Variants in IMMP2L observed in about 807,000 individuals in gnomAD.
IMMP2L encodes the protein mitochondrial inner membrane protease subunit 2.
In IMMP2L, 18 loss-of-function variants were observed where a neutral mutation model predicts 19.3. The observed-to-expected ratio is 0.93, with a 90% confidence interval of 0.64 to 1.38. IMMP2L has a LOEUF of 1.38. Ranked by LOEUF, IMMP2L falls within the 40% of genes most tolerant of loss-of-function variation. The probability of loss-of-function intolerance (pLI) is 0.00; values close to 1 mark genes in which losing one functional copy is unlikely to be tolerated. For missense variants in IMMP2L, 233 were observed against 218.2 expected (o/e 1.07, Z -0.43); for synonymous variants, 76 against 73.0 (o/e 1.04, Z -0.21).
intron 5 of IMMP2L, among the ~76,000 whole-genome samples, chr7:110,733,844 T>C (rs566967295): frequency 1.3e-5 from 2 of 152,178 alleles, no homozygotes; most frequent in Admixed American, 6.5e-5. Context: ...CATTCCATCA[T>C]GTGAGGATAC....
At chr7:110,908,588 T>C (rs1210228171) in intron 4 of IMMP2L, among the ~76,000 whole-genome samples, 1 of 152,202 alleles carries the variant, frequency 6.6e-6, no homozygotes, top group East Asian at 1.9e-4. Context: ...ACCATATCTT[T>C]AAAGAACTGT....
At chr7:110,766,428 T>TA (rs1798666159) in intron 5 of IMMP2L, among the ~76,000 whole-genome samples, 1 of 151,806 alleles carries the variant, frequency 6.6e-6, no homozygotes, top group Non-Finnish European at 1.5e-5. Flanking sequence ...CCGTCTCTAC[T>TA]AAAAAATGCA....
At chr7:111,217,918 G>A (rs1336357553) in intron 3 of IMMP2L, among the ~76,000 whole-genome samples, 1 of 151,796 alleles carries the variant, frequency 6.6e-6, no homozygotes, top group Non-Finnish European at 1.5e-5. Context: ...GAAAGTCTTC[G>A]GTATCTCTCT....
At chr7:110,747,639 G>A (rs560164081) in intron 5 of IMMP2L, among the ~76,000 whole-genome samples, 1 of 152,148 alleles carries the variant, frequency 6.6e-6, no homozygotes, top group East Asian at 1.9e-4. Context: ...CAGAACCAAT[G>A]ACAAAAACCA....
chr7:111,041,936 A>G (rs1791935720), intron 3 of IMMP2L, among the ~76,000 whole-genome samples: 1 of 152,212 alleles, frequency 6.6e-6, no homozygotes, highest in Admixed American at 6.5e-5. Context: ...ACCCTTCTGT[A>G]GCTCAGTTTC....
chr7:111,082,855 C>CAAAAAAAAAAAAAA (rs59384730), intron 3 of IMMP2L, among the ~76,000 whole-genome samples: 2 of 71,176 alleles, frequency 2.8e-5, no homozygotes, highest in African/African-American at 8.4e-5. Flanking sequence ...GCGATTTTGC[C>CAAAAAAAAAAAAAA]AAAAAAAAAA....
chr7:110,959,738 T>C (rs952456182), intron 4 of IMMP2L, among the ~76,000 whole-genome samples: 7 of 152,070 alleles, frequency 4.6e-5, no homozygotes, highest in African/African-American at 9.6e-5. Context: ...GGGGGACAGA[T>C]AGACCCATAT....
chr7:110,871,379 G>A (rs1475150118), intron 5 of IMMP2L, among the ~76,000 whole-genome samples: 5 of 152,054 alleles, frequency 3.3e-5, no homozygotes, highest in African/African-American at 1.2e-4. Context: ...TCAAGCTCAG[G>A]GGCATGCCAA....
At chr7:111,488,565 T>A (rs1427135777) in intron 2 of IMMP2L, among the ~76,000 whole-genome samples, 2 of 152,204 alleles carry the variant, frequency 1.3e-5, no homozygotes, top group Non-Finnish European at 2.9e-5. Flanking sequence ...ATTTTCTTTA[T>A]CCACTCGTTG....
rs551315547 is a variant in IMMP2L, at chr7:111,128,228, A to G, written c.240-164663T>C. ...GCTATTAGTCACAGGAAAAAGAGAAATAAATAGGACAAATTTTCGACCATC... is the reference window on the plus strand; with the variant it reads ...GCTATTAGTCACAGGAAAAAGAGAAGTAAATAGGACAAATTTTCGACCATC... On this transcript the variant is annotated intron_variant, in intron 3 of 5. Coordinates refer to ENST00000405709, the MANE Select transcript of IMMP2L (RefSeq NM_032549.4). Among the ~76,000 whole-genome samples the G allele has an allele frequency of 2.6e-5, 4 of 152,062 alleles. No homozygotes were observed. In the South Asian group the frequency reaches 8.3e-4, roughly 32 times the overall value.
chr7:110,800,161 T>C (rs571803568), intron 5 of IMMP2L, among the ~76,000 whole-genome samples: 1 of 152,194 alleles, frequency 6.6e-6, no homozygotes, highest in African/African-American at 2.4e-5. Flanking sequence ...AGTTTGTTGT[T>C]GCTGTACATT....
intron 5 of IMMP2L, among the ~76,000 whole-genome samples, chr7:110,824,034 C>T (rs1213405579): frequency 6.6e-6 from 1 of 152,084 alleles, no homozygotes; most frequent in Middle Eastern, 3.2e-3. Context: ...GGACAACCAA[C>T]AGTGTCACTG....
chr7:111,390,117 G>A (rs1448541216), intron 3 of IMMP2L, among the ~76,000 whole-genome samples: 2 of 152,180 alleles, frequency 1.3e-5, no homozygotes, highest in African/African-American at 4.8e-5. Context: ...TATATGGGCA[G>A]TGCAGTCAGT....
At chr7:111,543,224 C>T (rs1291364694) in intron 1 of IMMP2L, among the ~76,000 whole-genome samples, 1 of 152,106 alleles carries the variant, frequency 6.6e-6, no homozygotes, top group African/African-American at 2.4e-5. Flanking sequence ...TAAACCAAAA[C>T]TGCAATTAAT....
At chr7:111,337,126 T>C (rs1826502703) in intron 3 of IMMP2L, among the ~76,000 whole-genome samples, 1 of 152,122 alleles carries the variant, frequency 6.6e-6, no homozygotes, top group Non-Finnish European at 1.5e-5. Flanking sequence ...GTAAGATTTC[T>C]ATATTAAGAT....
Position 111,018,181 on chromosome 7 carries a change from A to G in IMMP2L, c.240-54616T>C, listed in dbSNP as rs1048988416. ...GAATGTAATAATTTCCTATACATATATTGTTCTGAAAGGTAGCAAGACAAG... is the reference window on the plus strand; with the variant it reads ...GAATGTAATAATTTCCTATACATATGTTGTTCTGAAAGGTAGCAAGACAAG... On this transcript the variant is annotated intron_variant, in intron 3 of 5. Coordinates refer to ENST00000405709, the MANE Select transcript of IMMP2L (RefSeq NM_032549.4). Among the ~76,000 whole-genome samples, 6 of 152,278 alleles carry G rather than the reference A, an allele frequency of 3.9e-5. No homozygotes were observed. The East Asian group carries it at 1.2e-3, about 29-fold the overall frequency.
At chr7:110,869,000 AAC>A (rs914430932) in intron 5 of IMMP2L, among the ~76,000 whole-genome samples, 1 of 152,006 alleles carries the variant, frequency 6.6e-6, no homozygotes, top group African/African-American at 2.4e-5. Flanking sequence ...AAGTTTTTCT[AAC>A]ACAAGAATAT....
In IMMP2L at chr7:111,446,940, T is replaced by C. The variant is rs1373343585; in HGVS notation, c.239+40298A>G. Among the ~76,000 whole-genome samples the C allele has an allele frequency of 6.7e-5, 10 of 149,292 alleles. 1 individual carries two copies. In the South Asian group the frequency reaches 2.1e-3, roughly 32 times the overall value. On this transcript the variant is annotated intron_variant, in intron 3 of 5. Transcript: ENST00000405709. Reference sequence around the variant, plus strand: ...AGCCTCAGGAGCCGATGCGATCAACTGGAAGAAAGGGTATCAGCAATGGAA... The same window carrying C: ...AGCCTCAGGAGCCGATGCGATCAACCGGAAGAAAGGGTATCAGCAATGGAA...
At chr7:111,300,724 T>C (rs558473125) in intron 3 of IMMP2L, among the ~76,000 whole-genome samples, 1 of 152,268 alleles carries the variant, frequency 6.6e-6, no homozygotes, top group South Asian at 2.1e-4. Context: ...GTGCATTAGT[T>C]TTCTTTGATG....
Sources: allele counts gnomAD v4.1 joint callset (sites outside exome capture counted in the v4.1 genomes callset), GRCh38; gene constraint gnomAD v4.1.1; transcripts MANE v1.5; gene names NCBI Gene and HGNC (gene_info 2026-07-23, HGNC 2026-07-21).